Variants in AGBL1 observed in about 807,000 individuals in gnomAD.
AGBL1 encodes cytosolic carboxypeptidase 4.
A neutral mutation model predicts 118.9 loss-of-function variants in AGBL1; 130 were observed. That is an observed-to-expected ratio of 1.09 (90% CI 0.95 to 1.26). The LOEUF is 1.26. Among genes scored for constraint, AGBL1 ranks in the 50% most tolerant of loss-of-function variants. The pLI is 0.00. For missense variants in AGBL1, 1,584 were observed against 1,298.1 expected, an observed-to-expected ratio of 1.22 and a Z score of -3.38; for synonymous variants, 555 against 478.9, an observed-to-expected ratio of 1.16 and a Z score of -2.08.
At chr15:86,451,516 C>T (rs748784326) in intron 18 of AGBL1, among the ~76,000 whole-genome samples, 2 of 152,158 alleles carry the variant, frequency 1.3e-5, no homozygotes, top group Non-Finnish European at 2.9e-5. Context: ...CCTGTGGTCA[C>T]GTGGCCAAAC....
At chr15:86,839,269 T>A (rs2079213387) in intron 22 of AGBL1, among the ~76,000 whole-genome samples, 1 of 152,208 alleles carries the variant, frequency 6.6e-6, no homozygotes, top group South Asian at 2.1e-4. Flanking sequence ...ACTTCCAATA[T>A]TGGCCTCTAC....
At chr15:86,474,117 G>T (rs903836098) in intron 18 of AGBL1, among the ~76,000 whole-genome samples, 1 of 152,148 alleles carries the variant, frequency 6.6e-6, no homozygotes, top group African/African-American at 2.4e-5. Context: ...GGCCAAATAG[G>T]AATAGCTCAA....
At chr15:86,306,698 G>T (rs2079846860) in intron 17 of AGBL1, among the ~76,000 whole-genome samples, 1 of 152,104 alleles carries the variant, frequency 6.6e-6, no homozygotes, top group Admixed American at 6.6e-5. Context: ...GGGCTTGCTG[G>T]ATCATATGGT....
chr15:87,019,235 A>G (rs2081638094), intron 24 of AGBL1, among the ~76,000 whole-genome samples: 1 of 152,154 alleles, frequency 6.6e-6, no homozygotes, highest in Non-Finnish European at 1.5e-5. Context: ...TAGCAAAGAT[A>G]CTCAGAACCT....
At chr15:86,830,848 G>A (rs1248343683) in intron 22 of AGBL1, among the ~76,000 whole-genome samples, 3 of 152,110 alleles carry the variant, frequency 2.0e-5, no homozygotes, top group African/African-American at 4.8e-5. Flanking sequence ...ATGCTTGCAT[G>A]GCATCTCATA....
chr15:86,564,535 C>T (rs1198966754), intron 21 of AGBL1, among the ~76,000 whole-genome samples: 1 of 152,154 alleles, frequency 6.6e-6, no homozygotes, highest in African/African-American at 2.4e-5. Flanking sequence ...TGTGGGTAAC[C>T]CGACCTTTCT....
chr15:86,732,962 T>C (rs2077545746), intron 22 of AGBL1, among the ~76,000 whole-genome samples: 1 of 141,756 alleles, frequency 7.1e-6, no homozygotes, highest in Admixed American at 6.9e-5. Context: ...TATACACACA[T>C]ATACATATAC....
At chr15:86,399,840 T>G (rs186224601) in intron 18 of AGBL1, among the ~76,000 whole-genome samples, 2 of 152,314 alleles carry the variant, frequency 1.3e-5, no homozygotes, top group Non-Finnish European at 2.9e-5. Context: ...TTACCATTAT[T>G]TATTATGATA....
intron 22 of AGBL1, among the ~76,000 whole-genome samples, chr15:86,880,365 G>C (rs2079873493): frequency 6.6e-6 from 1 of 152,128 alleles, no homozygotes; most frequent in African/African-American, 2.4e-5. Flanking sequence ...AAAATAATCA[G>C]GATTAAAGGG....
chr15:86,288,996 C>G (rs2079501420), intron 16 of AGBL1, among the ~76,000 whole-genome samples: 1 of 152,046 alleles, frequency 6.6e-6, no homozygotes, highest in Admixed American at 6.6e-5. Context: ...ATTACTATTG[C>G]CATGCTTGCT....
At chr15:86,921,927 G>A (rs1305851640) in intron 23 of AGBL1, among the ~76,000 whole-genome samples, 1 of 152,154 alleles carries the variant, frequency 6.6e-6, no homozygotes, top group Non-Finnish European at 1.5e-5. Context: ...AGGTCTTCAT[G>A]AAACAGATAT....
chr15:86,754,520 T>C (rs776279652), intron 22 of AGBL1, among the ~76,000 whole-genome samples: 1 of 152,020 alleles, frequency 6.6e-6, no homozygotes, highest in South Asian at 2.1e-4. Flanking sequence ...AGTACACATG[T>C]CAACTCTTTT....
At chr15:86,994,375 C>T (rs759344803) in intron 24 of AGBL1, among the ~76,000 whole-genome samples, 8 of 151,964 alleles carry the variant, frequency 5.3e-5, no homozygotes, top group East Asian at 3.9e-4. Flanking sequence ...TGGGCACAGC[C>T]GGGCACAGAC....
intron 22 of AGBL1, among the ~76,000 whole-genome samples, chr15:86,784,854 G>C (rs117527791): frequency 1.3e-5 from 2 of 152,002 alleles, no homozygotes; most frequent in African/African-American, 4.8e-5. Flanking sequence ...GGAGTTTGAC[G>C]TCATTGGAAC....
At chr15:86,498,963 A>G (rs967437016) in intron 18 of AGBL1, among the ~76,000 whole-genome samples, 1 of 151,886 alleles carries the variant, frequency 6.6e-6, no homozygotes, top group Non-Finnish European at 1.5e-5. Context: ...GAAATAGAAA[A>G]GGGGATTTGG....
chr15:86,573,834 G>A (rs1596279988), intron 21 of AGBL1, among the ~76,000 whole-genome samples: 3 of 152,142 alleles, frequency 2.0e-5, no homozygotes, highest in Non-Finnish European at 4.4e-5. Context: ...CTGATAAAGA[G>A]TAGTAAAATT....
chr15:86,744,276 A>T (rs1033807018), intron 22 of AGBL1, among the ~76,000 whole-genome samples: 1 of 152,164 alleles, frequency 6.6e-6, no homozygotes, highest in African/African-American at 2.4e-5. Context: ...CCCGCTTTGC[A>T]TATTTATATA....
At chr15:86,780,023 T>C (rs1253657436) in intron 22 of AGBL1, among the ~76,000 whole-genome samples, 1 of 152,198 alleles carries the variant, frequency 6.6e-6, no homozygotes, top group Non-Finnish European at 1.5e-5. Flanking sequence ...TTAAGGCTAG[T>C]TCTGCTCATA....
intron 1 of AGBL1, among the ~76,000 whole-genome samples, chr15:86,087,585 C>T (rs1273744395): frequency 6.6e-6 from 1 of 152,206 alleles, no homozygotes; most frequent in Non-Finnish European, 1.5e-5. Context: ...CCTCCTCAGC[C>T]TCCCAAAGTG....
Sources: gnomAD v4.1 joint callset for allele counts (sites outside exome capture counted in the v4.1 genomes callset) on GRCh38, gnomAD v4.1.1 for gene constraint, MANE v1.5 for transcripts, NCBI Gene and HGNC (gene_info 2026-07-23, HGNC 2026-07-21) for gene names.